Variants in CEP128 observed in about 807,000 individuals in gnomAD.
The protein encoded by CEP128 is centrosomal protein 128kDa.
CEP128 carries 132 observed loss-of-function variants against 156.7 expected under a neutral mutation model. That is an observed-to-expected ratio of 0.84 (90% CI 0.73 to 0.97). The LOEUF is 0.97. Among genes scored for constraint, CEP128 ranks in the 50% least tolerant of loss-of-function variants. The pLI is 0.00. For missense variants in CEP128, 1,252 were observed against 1,281.9 expected (o/e 0.98, Z 0.36); for synonymous variants, 469 against 448.9 (o/e 1.04, Z -0.57).
At chr14:80,906,875 T>C (rs561221336) in intron 4 of CEP128, among the ~76,000 whole-genome samples, 2 of 152,296 alleles carry the variant, frequency 1.3e-5, no homozygotes, top group East Asian at 3.9e-4. Context: ...GCTGGGAAAC[T>C]TCGGGTCTAG....
intron 16 of CEP128, among the ~76,000 whole-genome samples, chr14:80,762,362 G>A (rs1429863362): frequency 2.0e-5 from 3 of 152,012 alleles, no homozygotes; most frequent in Admixed American, 6.6e-5. Flanking sequence ...CTAAATGGTG[G>A]ACCAAATCCA....
chr14:80,621,179 T>A (rs1893462797), intron 19 of CEP128, among the ~76,000 whole-genome samples: 1 of 152,188 alleles, frequency 6.6e-6, no homozygotes, highest in Non-Finnish European at 1.5e-5. Flanking sequence ...ATCTCATAAT[T>A]TTTTTAAGTT....
chr14:80,709,272 G>A (rs1897321708), intron 19 of CEP128, among the ~76,000 whole-genome samples: 1 of 151,604 alleles, frequency 6.6e-6, no homozygotes, highest in Non-Finnish European at 1.5e-5. Context: ...CCGAGTAGCT[G>A]GGATTACAGG....
intron 2 of CEP128, among the ~76,000 whole-genome samples, chr14:80,920,990 G>A (rs1884828670): frequency 6.6e-6 from 1 of 152,098 alleles, no homozygotes; most frequent in African/African-American, 2.4e-5. Flanking sequence ...TACTGTAATA[G>A]AGGCAAAATA....
intron 16 of CEP128, among the ~76,000 whole-genome samples, chr14:80,777,305 C>T (rs1900847223): frequency 6.6e-6 from 1 of 152,020 alleles, no homozygotes; most frequent in Non-Finnish European, 1.5e-5. Flanking sequence ...AAAAGAGACC[C>T]CAGAGAGCTC....
At chr14:80,804,412 C>A (rs1460744012) in intron 13 of CEP128, among the ~76,000 whole-genome samples, 1 of 152,062 alleles carries the variant, frequency 6.6e-6, no homozygotes, top group African/African-American at 2.4e-5. Context: ...AAGGGAAATG[C>A]AGTAACATTA....
At chr14:80,604,700 T>G (rs1892712424) in intron 19 of CEP128, among the ~76,000 whole-genome samples, 1 of 152,118 alleles carries the variant, frequency 6.6e-6, no homozygotes, top group African/African-American at 2.4e-5. Context: ...TGTTCCTACT[T>G]TTATTATAGT....
At chr14:80,868,643 A>C (rs1887886015) in intron 8 of CEP128, among the ~76,000 whole-genome samples, 1 of 152,162 alleles carries the variant, frequency 6.6e-6, no homozygotes, top group African/African-American at 2.4e-5. Flanking sequence ...GCAAGTTCCT[A>C]CCTATAAATA....
At chr14:80,520,437 C>A (rs893963724) in intron 23 of CEP128, among the ~76,000 whole-genome samples, 68 of 115,088 alleles carry the variant, frequency 5.9e-4, no homozygotes, top group African/African-American at 1.8e-3. Context: ...AACAAACAAA[C>A]AAACAAAAAA....
chr14:80,715,838 T>G (rs1302802147), intron 19 of CEP128, among the ~76,000 whole-genome samples: 1 of 152,160 alleles, frequency 6.6e-6, no homozygotes, highest in African/African-American at 2.4e-5. Flanking sequence ...AGCACCTACC[T>G]CAAAGAGTTG....
chr14:80,731,763 A>G (rs1412022844), intron 19 of CEP128, among the ~76,000 whole-genome samples: 1 of 152,196 alleles, frequency 6.6e-6, no homozygotes, highest in Admixed American at 6.5e-5. Flanking sequence ...AAAAGGGAAA[A>G]GATTCTTTTG....
At chr14:80,692,284 T>C (rs533764532) in intron 19 of CEP128, among the ~76,000 whole-genome samples, 1 of 152,306 alleles carries the variant, frequency 6.6e-6, no homozygotes, top group African/African-American at 2.4e-5. Flanking sequence ...AAGAGTTATA[T>C]AAAGATCATG....
intron 19 of CEP128, among the ~76,000 whole-genome samples, chr14:80,703,021 T>G (rs1200053573): frequency 1.3e-5 from 2 of 152,062 alleles, no homozygotes; most frequent in Non-Finnish European, 2.9e-5. Flanking sequence ...TTATGGTAAA[T>G]TTGGAGAGAA....
At chr14:80,793,836 T>A (rs1203856092) in intron 13 of CEP128, among the ~76,000 whole-genome samples, 3 of 152,232 alleles carry the variant, frequency 2.0e-5, no homozygotes, top group Non-Finnish European at 4.4e-5. Context: ...TCATGATTAA[T>A]ACATATTTTA....
At chr14:80,537,908 GTTAC>G (rs1889560145) in intron 21 of CEP128, among the ~76,000 whole-genome samples, 1 of 152,094 alleles carries the variant, frequency 6.6e-6, no homozygotes, top group Non-Finnish European at 1.5e-5. Context: ...TTCCAGTAAT[GTTAC>G]TTACTTGTGT....
intron 18 of CEP128, among the ~76,000 whole-genome samples, chr14:80,746,564 T>C (rs1205560884): frequency 6.6e-6 from 1 of 152,158 alleles, no homozygotes; most frequent in African/African-American, 2.4e-5. Flanking sequence ...ATACCCCTAC[T>C]TCACACCATA....
chr14:80,797,337 T>C (rs1243902615), intron 13 of CEP128, among the ~76,000 whole-genome samples: 1 of 152,200 alleles, frequency 6.6e-6, no homozygotes, highest in Non-Finnish European at 1.5e-5. Flanking sequence ...GAAAAGATCA[T>C]GTCATTGATT....
chr14:80,555,985 T>C (rs8017669), intron 21 of CEP128, among the ~76,000 whole-genome samples: 85,945 of 151,940 alleles, frequency 0.57, 24,626 homozygotes, highest in East Asian at 0.72. Flanking sequence ...CTTGAAGGCA[T>C]TGATCACAAT....
chr14:80,916,530 G>A lies in CEP128; in HGVS notation c.18C>T (p.Ser6=), dbSNP rs567687131. 5.0e-6 allele frequency: 8 copies of A among 1,613,544 alleles called. No homozygotes were observed. Among genetic ancestry groups the A allele is most frequent in the East Asian group, 2.2e-5 (1 of 44,876 alleles). MAESS[S]ESDHFRCRDR... is the part of the protein sequence containing the mutation. ...CACGACAGCGGAAGTGATCTGATTC[G>A]CTGGATGATTCTGCCATTGATGTAC... is the stretch of plus-strand genomic sequence containing the variant. The change falls in exon 3 of 25, where the codon AGC becomes AGT. Residue 6 remains serine (S), a synonymous_variant. Coordinates refer to ENST00000555265, the MANE Select transcript of CEP128 (RefSeq NM_152446.5).
Sources: allele counts gnomAD v4.1 joint callset (sites outside exome capture counted in the v4.1 genomes callset), GRCh38; gene constraint gnomAD v4.1.1; transcripts MANE v1.5; gene names NCBI Gene and HGNC (gene_info 2026-07-23, HGNC 2026-07-21).